Variants in ANKS1B observed in about 807,000 individuals in gnomAD.
ANKS1B encodes ankyrin repeat and sterile alpha motif domain-containing protein 1B.
Under a neutral mutation model 148.3 loss-of-function variants are expected in ANKS1B, and 36 were observed. The ratio of observed to expected loss-of-function variants is 0.24; its 90% CI spans 0.19 to 0.32. ANKS1B has a LOEUF of 0.32. ANKS1B is among the 10% of genes least tolerant of loss of function. The pLI is 1.00. For synonymous variants in ANKS1B, 542 were observed against 560.8 expected (o/e 0.97, Z 0.47); for missense variants, 1,157 against 1,542.6 (o/e 0.75, Z 4.19).
At chr12:99,833,009 C>T (rs1323486419) in intron 1 of ANKS1B, among the ~76,000 whole-genome samples, 5 of 152,058 alleles carry the variant, frequency 3.3e-5, no homozygotes, top group Admixed American at 3.3e-4. Flanking sequence ...TTATTTATAG[C>T]CACACGACTA....
intron 8 of ANKS1B, among the ~76,000 whole-genome samples, chr12:99,771,876 C>G (rs998127475): frequency 6.6e-6 from 1 of 151,954 alleles, no homozygotes; most frequent in African/African-American, 2.4e-5. Flanking sequence ...CTTTAAGTAA[C>G]TAAATTAAGT....
chr12:98,993,657 A>G (rs2099927931), intron 17 of ANKS1B, among the ~76,000 whole-genome samples: 1 of 152,212 alleles, frequency 6.6e-6, no homozygotes, highest in Non-Finnish European at 1.5e-5. Flanking sequence ...ACTCCAAAAA[A>G]CAGTGAGCTG....
intron 11 of ANKS1B, among the ~76,000 whole-genome samples, chr12:99,411,010 C>T (rs1474347597): frequency 6.6e-6 from 1 of 152,250 alleles, no homozygotes; most frequent in East Asian, 1.9e-4. Context: ...CATGGTCTCA[C>T]TACTGCATCA....
At chr12:99,858,364 C>G (rs533442037) in intron 1 of ANKS1B, among the ~76,000 whole-genome samples, 1 of 151,800 alleles carries the variant, frequency 6.6e-6, no homozygotes, top group East Asian at 1.9e-4. Flanking sequence ...ATCAAAAAAT[C>G]AAAAAAATAA....
intron 12 of ANKS1B, among the ~76,000 whole-genome samples, chr12:99,387,340 G>A (rs969119453): frequency 1.2e-4 from 19 of 152,156 alleles, no homozygotes; most frequent in Admixed American, 2.0e-4. Context: ...AAGCCTGGCC[G>A]GGCGCGGTGG....
intron 17 of ANKS1B, among the ~76,000 whole-genome samples, chr12:99,031,307 C>T (rs1322210636): frequency 2.0e-5 from 3 of 152,144 alleles, no homozygotes; most frequent in East Asian, 3.8e-4. Context: ...CATTTAATTG[C>T]ATATTATTGA....
At chr12:98,868,895 T>G (rs1197838418) in intron 17 of ANKS1B, among the ~76,000 whole-genome samples, 2 of 152,246 alleles carry the variant, frequency 1.3e-5, no homozygotes, top group Non-Finnish European at 2.9e-5. Context: ...AGGCATTCTG[T>G]TAGCAGCTTG....
chr12:99,452,076 G>T (rs777334068), intron 10 of ANKS1B, among the ~76,000 whole-genome samples: 4 of 152,038 alleles, frequency 2.6e-5, no homozygotes, highest in Non-Finnish European at 5.9e-5. Flanking sequence ...AATTTTTTCT[G>T]TAAAGGGCCA....
At chr12:98,776,832 C>G (rs1215285629) in intron 24 of ANKS1B, among the ~76,000 whole-genome samples, 2 of 152,206 alleles carry the variant, frequency 1.3e-5, no homozygotes, top group East Asian at 3.8e-4. Context: ...ATGCTGAGAA[C>G]AGCACATGTG....
chr12:99,028,706 C>T (rs1374511351), intron 17 of ANKS1B, among the ~76,000 whole-genome samples: 4 of 152,114 alleles, frequency 2.6e-5, no homozygotes, highest in Admixed American at 2.0e-4. Context: ...CATAGCTGTA[C>T]AAAAGAATAA....
At chr12:99,493,896 G>A (rs7398357) in intron 10 of ANKS1B, among the ~76,000 whole-genome samples, 25,283 of 152,052 alleles carry the variant, frequency 0.17, 2,280 homozygotes, top group Non-Finnish European at 0.2. Flanking sequence ...TAAGTATGTC[G>A]GAGTCTTCAG....
intron 1 of ANKS1B, among the ~76,000 whole-genome samples, chr12:99,983,219 G>C (rs780858184): frequency 6.6e-6 from 1 of 152,158 alleles, no homozygotes; most frequent in Non-Finnish European, 1.5e-5. Context: ...ATTGTATCTA[G>C]TGAATACTCT....
chr12:98,814,999 C>T lies in ANKS1B; in HGVS notation c.3067-7081G>A, dbSNP rs1391103182. On this transcript the variant is annotated intron_variant, in intron 19 of 26. Coordinates refer to ENST00000683438, the MANE Select transcript of ANKS1B (RefSeq NM_001352186.2). Reference sequence around the variant, plus strand: ...TGACTTCAGCTCAGAAAATACAACACAACTGCATTCAAATCTAATCACAAA... The same window carrying T: ...TGACTTCAGCTCAGAAAATACAACATAACTGCATTCAAATCTAATCACAAA... Among the ~76,000 whole-genome samples, 3 of 152,202 alleles carry T rather than the reference C, an allele frequency of 2.0e-5. No homozygotes were observed. The East Asian group carries it at 5.8e-4, about 29-fold the overall frequency.
At chr12:98,954,144 A>G (rs542884631) in intron 17 of ANKS1B, among the ~76,000 whole-genome samples, 1 of 152,272 alleles carries the variant, frequency 6.6e-6, no homozygotes, top group Admixed American at 6.5e-5. Context: ...GATGCATGAA[A>G]CACTTGTCTG....
intron 1 of ANKS1B, among the ~76,000 whole-genome samples, chr12:99,932,478 G>A (rs887846863): frequency 2.0e-5 from 3 of 152,126 alleles, no homozygotes; most frequent in African/African-American, 7.2e-5. Flanking sequence ...TAACTGGGGT[G>A]AAATGATATC....
At chr12:99,979,276 A>C (rs889859394) in intron 1 of ANKS1B, among the ~76,000 whole-genome samples, 1 of 152,152 alleles carries the variant, frequency 6.6e-6, no homozygotes, top group Non-Finnish European at 1.5e-5. Context: ...CTTGTCCAGG[A>C]AAAATGCTAA....
chr12:99,349,771 C>G (rs1297036340), intron 12 of ANKS1B, among the ~76,000 whole-genome samples: 2 of 151,818 alleles, frequency 1.3e-5, no homozygotes, highest in African/African-American at 4.8e-5. Flanking sequence ...GATAAAATAA[C>G]TATACAGAAG....
rs1364287827 is a variant in ANKS1B, at chr12:99,010,896, C to CTTTTTTTTTTTTTTTT, written c.2778+42260_2778+42261insAAAAAAAAAAAAAAAA. Among the ~76,000 whole-genome samples, 2 of 113,862 alleles carry CTTTTTTTTTTTTTTTT rather than the reference C, an allele frequency of 1.8e-5. 1 individual carries two copies. Among genetic ancestry groups the CTTTTTTTTTTTTTTTT allele is most frequent in the African/African-American group, 7.8e-5 (2 of 25,682 alleles). 74.7% of individuals were successfully genotyped at this position (113,862 alleles called of 152,430 possible). The stretch of plus-strand genomic sequence containing the variant: ...AAGTAGCTAGGACTACAGGTGTGAG[C>CTTTTTTTTTTTTTTTT]TTTTGTTTTTTTTTTTTTTTTTTTT... On this transcript the variant is annotated intron_variant, in intron 17 of 26. Coordinates refer to ENST00000683438, the MANE Select transcript of ANKS1B (RefSeq NM_001352186.2).
intron 12 of ANKS1B, among the ~76,000 whole-genome samples, chr12:99,336,580 C>G (rs533221875): frequency 1.3e-5 from 2 of 151,986 alleles, no homozygotes; most frequent in South Asian, 4.2e-4. Context: ...TCATTCTTCT[C>G]GTATGGATAT....
Sources: allele counts gnomAD v4.1 joint callset (sites outside exome capture counted in the v4.1 genomes callset), GRCh38; gene constraint gnomAD v4.1.1; transcripts MANE v1.5; gene names NCBI Gene and HGNC (gene_info 2026-07-23, HGNC 2026-07-21).